DLC1: variants seen among roughly 807,000 people sequenced by gnomAD.
The protein encoded by DLC1 is rho GTPase-activating protein 7.
Under a neutral mutation model 140.3 loss-of-function variants are expected in DLC1, and 54 were observed. The observed-to-expected ratio is 0.38, with a 90% CI of 0.31 to 0.48. The LOEUF (loss-of-function observed/expected upper bound fraction) is 0.48. Among genes scored for constraint, DLC1 ranks in the 20% least tolerant of loss-of-function variants. DLC1 has a pLI of 0.96. For synonymous variants in DLC1, 986 were observed against 728.1 expected (o/e 1.35, Z -5.70); for missense variants, 2,536 against 1,907.0 (o/e 1.33, Z -6.14).
chr8:13,570,094 T>C (rs1804593256), intron 1 of DLC1, among the ~76,000 whole-genome samples: 1 of 152,136 alleles, frequency 6.6e-6, no homozygotes, highest in African/African-American at 2.4e-5. Context: ...AAAACAAAAC[T>C]CTAAGTTGTT....
intron 5 of DLC1, among the ~76,000 whole-genome samples, chr8:13,155,883 T>A (rs562588804): frequency 3.3e-5 from 5 of 152,326 alleles, no homozygotes; most frequent in African/African-American, 9.6e-5. Context: ...CTAACTAGTT[T>A]TTATTTTATA....
intron 1 of DLC1, chr8:13,566,942 C>G (rs1233196168): frequency 2.4e-5 from 35 of 1,477,362 alleles, no homozygotes; most frequent in Non-Finnish European, 3.0e-5. Context: ...GTTCCTGAGC[C>G]AGTCTTAACC....
rs1400425915 is a variant in DLC1 at position 13,169,134 on chromosome 8, T to TTA, written c.1349-53479_1349-53478dup. On this transcript the variant is annotated intron_variant, in intron 5 of 17. Coordinates refer to ENST00000276297, the MANE Select transcript of DLC1 (RefSeq NM_182643.3). ...TATAGTACTTGGAAATTTGGGGGCT[T>TTA]TACTACTATGTAGCTCAAGGTTAGA... is the stretch of plus-strand genomic sequence containing the variant. Among the ~76,000 whole-genome samples the TTA allele has an allele frequency of 6.6e-5, 10 of 152,332 alleles. No homozygotes were observed. In the East Asian group the frequency reaches 1.7e-3, roughly 26 times the overall value.
intron 5 of DLC1, among the ~76,000 whole-genome samples, chr8:13,194,218 C>T (rs1469786401): frequency 6.6e-6 from 1 of 152,186 alleles, no homozygotes; most frequent in Non-Finnish European, 1.5e-5. Context: ...CGGGGACATT[C>T]ATCACCATCC....
chr8:13,559,149 G>A (rs1323087774), intron 1 of DLC1: 2 of 152,186 alleles, frequency 1.3e-5, no homozygotes, highest in Admixed American at 6.5e-5. Context: ...TAAGAGTTCT[G>A]GTCAGTGCGA....
chr8:13,244,699 C>A (rs765138695), intron 5 of DLC1, among the ~76,000 whole-genome samples: 1 of 152,142 alleles, frequency 6.6e-6, no homozygotes. Context: ...CTCTTCCCTA[C>A]GTTTCTTCAT....
At chr8:13,219,022 G>GAATATATTATATACGAATATAAT (rs1251796878) in intron 5 of DLC1, among the ~76,000 whole-genome samples, 3 of 82,118 alleles carry the variant, frequency 3.7e-5, no homozygotes, top group African/African-American at 5.4e-5. Flanking sequence ...AATTATATAC[G>GAATATATTATATACGAATATAAT]TATATAATTA....
chr8:13,126,368 T>TACACACAC (rs3065349), intron 5 of DLC1, among the ~76,000 whole-genome samples: 3,760 of 145,552 alleles, frequency 0.026, 132 homozygotes, highest in African/African-American at 0.079. Context: ...TCTCTATCCA[T>TACACACAC]ACACACACAC....
intron 4 of DLC1, among the ~76,000 whole-genome samples, chr8:13,369,268 T>C (rs1032355326): frequency 9.3e-5 from 14 of 150,770 alleles, no homozygotes; most frequent in Admixed American, 4.0e-4. Context: ...TTGAATTTGG[T>C]TGAACTTCTA....
At chr8:13,527,898 G>T (rs1802970692) in intron 1 of DLC1, among the ~76,000 whole-genome samples, 1 of 152,006 alleles carries the variant, frequency 6.6e-6, no homozygotes, top group Non-Finnish European at 1.5e-5. Context: ...CCTTGCTTTT[G>T]CCACTTTAAG....
chr8:13,482,392 A>G (rs10101720), intron 2 of DLC1, among the ~76,000 whole-genome samples: 3,584 of 146,320 alleles, frequency 0.024, 154 homozygotes, highest in African/African-American at 0.085. Context: ...TGCCATGTGC[A>G]TGTATCATTT....
chr8:13,419,817 A>G (rs1319232496), intron 2 of DLC1, among the ~76,000 whole-genome samples: 1 of 152,184 alleles, frequency 6.6e-6, no homozygotes, highest in Non-Finnish European at 1.5e-5. Context: ...CCTCTGGTAG[A>G]ATTCGGCTGT....
intron 5 of DLC1, among the ~76,000 whole-genome samples, chr8:13,240,535 C>T (rs1383593554): frequency 5.3e-5 from 8 of 152,170 alleles, no homozygotes; most frequent in Admixed American, 5.2e-4. Flanking sequence ...AAGGGATCCT[C>T]CCACATCAGC....
chr8:13,248,857 C>G (rs1430775862), intron 5 of DLC1, among the ~76,000 whole-genome samples: 1 of 152,174 alleles, frequency 6.6e-6, no homozygotes, highest in East Asian at 1.9e-4. Context: ...CTGCAATTCA[C>G]CTTTTTTTTC....
At chr8:13,398,703 C>G (rs1473636027) in intron 3 of DLC1, among the ~76,000 whole-genome samples, 2 of 151,192 alleles carry the variant, frequency 1.3e-5, no homozygotes, top group Non-Finnish European at 2.9e-5. Context: ...CTAGTAGGAA[C>G]AGAGCAATGG....
intron 2 of DLC1, among the ~76,000 whole-genome samples, chr8:13,456,071 A>G (rs1002762231): frequency 6.6e-6 from 1 of 152,184 alleles, no homozygotes; most frequent in African/African-American, 2.4e-5. Context: ...GTCAAAGGGG[A>G]AAAGCATCAT....
intron 1 of DLC1, among the ~76,000 whole-genome samples, chr8:13,576,707 T>C (rs1804849168): frequency 6.6e-6 from 1 of 152,146 alleles, no homozygotes; most frequent in Admixed American, 6.5e-5. Flanking sequence ...TCAGTGAGTG[T>C]GTCAAATGAA....
chr8:13,298,982 C>T lies in DLC1; in HGVS notation c.1348+6287G>A, dbSNP rs558433420. 2.1e-4 allele frequency among the ~76,000 whole-genome samples: 32 copies of T among 152,238 alleles called. 1 individual carries two copies. The East Asian group carries it at 2.3e-3, about 11-fold the overall frequency. Reference sequence around the variant, plus strand: ...GTTCTTTGATTTAATTTTAGAATGACGGATTTCATGTTACTCCATATTAAT... The same window carrying T: ...GTTCTTTGATTTAATTTTAGAATGATGGATTTCATGTTACTCCATATTAAT... On this transcript the variant is annotated intron_variant, in intron 5 of 17. Coordinates refer to ENST00000276297, the MANE Select transcript of DLC1 (RefSeq NM_182643.3).
chr8:13,337,696 T>A (rs1217603141), intron 4 of DLC1, among the ~76,000 whole-genome samples: 1 of 152,188 alleles, frequency 6.6e-6, no homozygotes, highest in Non-Finnish European at 1.5e-5. Context: ...ACATATGTAA[T>A]TTTACCTACA....
Sources: allele counts gnomAD v4.1 joint callset (sites outside exome capture counted in the v4.1 genomes callset), GRCh38; gene constraint gnomAD v4.1.1; transcripts MANE v1.5; gene names NCBI Gene and HGNC (gene_info 2026-07-23, HGNC 2026-07-21).